The following PBX1 variants were observed in gnomAD, a reference collection of about 807,000 sequenced individuals.
PBX1 encodes the protein pre-B-cell leukemia transcription factor 1.
In PBX1, 6 loss-of-function variants were observed where a neutral mutation model predicts 53.4. The observed-to-expected ratio is 0.11, with a 90% confidence interval of 0.06 to 0.22. PBX1 has a LOEUF of 0.22. Among genes scored for constraint, PBX1 ranks in the 10% least tolerant of loss-of-function variants. The pLI, the probability that PBX1 is intolerant of heterozygous loss-of-function variation, is 1.00. For missense variants in PBX1, 251 were observed against 551.4 expected (o/e 0.46, Z 5.46); for synonymous variants, 204 against 212.3 (o/e 0.96, Z 0.34).
chr1:164,571,751 G>A (rs983881578), intron 2 of PBX1, among the ~76,000 whole-genome samples: 3 of 150,880 alleles, frequency 2.0e-5, no homozygotes, highest in Admixed American at 6.6e-5. Flanking sequence ...TTGCTGGCTC[G>A]TGATAACTCT....
intron 2 of PBX1, among the ~76,000 whole-genome samples, chr1:164,767,925 C>T (rs1278244197): frequency 1.3e-5 from 2 of 151,890 alleles, no homozygotes; most frequent in Non-Finnish European, 2.9e-5. Context: ...ATGAAGGACT[C>T]ATGTTGTTGA....
chr1:164,820,431 C>T (rs942308045), intron 7 of PBX1, among the ~76,000 whole-genome samples: 1 of 152,110 alleles, frequency 6.6e-6, no homozygotes, highest in Non-Finnish European at 1.5e-5. Flanking sequence ...AAGCACAGGG[C>T]AAGGTGACCG....
In PBX1 at chr1:164,846,675, G is replaced by A. The variant is rs1047727511; in HGVS notation, c.1292G>A (p.Ter431=). ...AGTGTTCACTCTGATACCTCCAACT[G>A]ATCTCCCAGCAATCGCATCCCGGCT... is the stretch of plus-strand genomic sequence containing the variant. ...PGSVHSDTSN[*] The change falls in exon 9 of 9, where the codon TGA becomes TAA. Residue 431 remains the stop codon, a stop_retained_variant. Transcript: ENST00000420696. 6.2e-6 allele frequency: 10 copies of A among 1,613,952 alleles called. No homozygotes were observed. Among genetic ancestry groups the A allele is most frequent in the Non-Finnish European group, 7.6e-6 (9 of 1,179,964 alleles).
chr1:164,568,751 A>T (rs1653616776), intron 2 of PBX1, among the ~76,000 whole-genome samples: 1 of 152,242 alleles, frequency 6.6e-6, no homozygotes, highest in Non-Finnish European at 1.5e-5. Context: ...ATCGTCGCTC[A>T]TGAGGAAAGT....
intron 2 of PBX1, among the ~76,000 whole-genome samples, chr1:164,592,083 G>A (rs538816790): frequency 2.6e-5 from 4 of 152,172 alleles, no homozygotes; most frequent in African/African-American, 4.8e-5. Flanking sequence ...AATGTGGCTG[G>A]GGGGAAAGGC....
rs199855181 is a variant in PBX1 at position 164,792,630 on chromosome 1, G to A, written c.402G>A (p.Ala134=). The A allele has an allele frequency of 3.0e-5, 49 of 1,613,476 alleles. No homozygotes were observed. The Admixed American group carries it at 8.2e-4, about 27-fold the overall frequency. Residue 134 remains alanine (A), a synonymous_variant, in exon 3 of 9, where the codon GCG becomes GCA. Coordinates refer to ENST00000420696, the MANE Select transcript of PBX1 (RefSeq NM_002585.4). The stretch of plus-strand genomic sequence containing the variant: ...CGGCGGCAGCGGCGGCAGCGGCGGC[G>A]GCTTCTGGAGGGGCAGGTTCAGACA... ...GGSAAAAAAA[A]ASGGAGSDNS...
At chr1:164,726,194 T>G (rs1316441857) in intron 2 of PBX1, among the ~76,000 whole-genome samples, 1 of 152,226 alleles carries the variant, frequency 6.6e-6, no homozygotes, top group East Asian at 1.9e-4. Context: ...TCTTTTTGCA[T>G]ACAAACGTTT....
At chr1:164,840,233 ACCT>A (rs1421919632) in intron 8 of PBX1, among the ~76,000 whole-genome samples, 4 of 152,224 alleles carry the variant, frequency 2.6e-5, no homozygotes, top group African/African-American at 7.2e-5. Flanking sequence ...ATTCTGAGTT[ACCT>A]ATGGTACCAA....
Position 164,876,007 on chromosome 1 carries a change from C to CATATATATATATATACATATATAT in PBX1, n.258-23180_258-23179insTATATATATATATACATATATATA, listed in dbSNP as rs1318941950. 5.3e-5 allele frequency among the ~76,000 whole-genome samples: 6 copies of CATATATATATATATACATATATAT among 113,688 alleles called. 1 individual carries two copies. Among genetic ancestry groups the CATATATATATATATACATATATAT allele is most frequent in the Non-Finnish European group, 9.3e-5 (5 of 53,998 alleles). 74.6% of individuals were successfully genotyped at this position (113,688 alleles called of 152,430 possible). On this transcript the variant is annotated intron_variant and non_coding_transcript_variant, in intron 2 of 2. Coordinates refer to the PBX1 transcript ENST00000558796. The stretch of plus-strand genomic sequence containing the variant: ...GTATGTGTATATATATATATATATA[C>CATATATATATATATACATATATAT]ACACATACACCAAATGGTTTTTTAT...
intron 2 of PBX1, among the ~76,000 whole-genome samples, chr1:164,874,563 T>C (rs1672460364): frequency 6.6e-6 from 1 of 152,148 alleles, no homozygotes; most frequent in South Asian, 2.1e-4. Context: ...GGTGCGATCT[T>C]GACTCACTGC....
At chr1:164,753,843 A>G (rs1433590459) in intron 2 of PBX1, among the ~76,000 whole-genome samples, 1 of 152,152 alleles carries the variant, frequency 6.6e-6, no homozygotes, top group Admixed American at 6.5e-5. Context: ...AGGAATGTGG[A>G]TAAAGGCTCT....
At chr1:164,660,911 A>T (rs766431633) in intron 2 of PBX1, among the ~76,000 whole-genome samples, 2 of 152,160 alleles carry the variant, frequency 1.3e-5, no homozygotes, top group African/African-American at 2.4e-5. Context: ...CTCAGCACTA[A>T]GTTACCTACC....
intron 2 of PBX1, chr1:164,769,989 A>C (rs1168810941): frequency 6.6e-6 from 1 of 152,208 alleles, no homozygotes; most frequent in South Asian, 2.1e-4. Context: ...GAGCATGGAC[A>C]TTGAAGAACT....
intron 8 of PBX1, among the ~76,000 whole-genome samples, chr1:164,837,200 A>ACAATCTCTGTGTGTACC (rs1344731762): frequency 6.6e-6 from 1 of 152,192 alleles, no homozygotes; most frequent in East Asian, 1.9e-4. Context: ...AGATGTGTAT[A>ACAATCTCTGTGTGTACC]CAATCTCTGT....
rs1437892122 is a variant in PBX1 at position 164,559,354 on chromosome 1, G to A, written c.-469G>A. On this transcript the variant is annotated 5_prime_UTR_variant, in exon 1 of 9. Transcript: ENST00000420696. ...GGGGGTGGGGGGCAGCGGGGGGTGG[G>A]GGGGGAAAGTTTGCATTGCAATCCC... 5.0e-6 allele frequency: 1 copy of A among 198,890 alleles called. No homozygotes were observed. The highest frequency in any genetic ancestry group is 6.1e-5 in the Admixed American group (1 of 16,494). 12.3% of individuals were successfully genotyped at this position (198,890 alleles called of 1,614,324 possible). A position where few individuals can be genotyped will look rare whatever the true frequency, so the allele number is the denominator to read the frequency against.
At chr1:164,832,468 G>C (rs1488999665) in intron 8 of PBX1, among the ~76,000 whole-genome samples, 1 of 152,170 alleles carries the variant, frequency 6.6e-6, no homozygotes, top group Non-Finnish European at 1.5e-5. Context: ...TCATACATGA[G>C]AGCAGGATTT....
At chr1:164,792,824 G>A (rs1668587742) in intron 3 of PBX1, 86 bp downstream of exon 3, 3 of 1,022,686 alleles carry the variant, frequency 2.9e-6, no homozygotes, top group East Asian at 2.6e-5. Context: ...AGAGAGGAGC[G>A]GCTCACCTTT....
chr1:164,566,507 A>G (rs573683328), intron 2 of PBX1, among the ~76,000 whole-genome samples: 15 of 152,304 alleles, frequency 9.8e-5, no homozygotes, highest in African/African-American at 3.4e-4. Context: ...ATCATTTAAT[A>G]TAACACTTTC....
chr1:164,673,587 C>T (rs1661239999), intron 2 of PBX1, among the ~76,000 whole-genome samples: 1 of 151,578 alleles, frequency 6.6e-6, no homozygotes, highest in East Asian at 1.9e-4. Context: ...TCTCCTGCCT[C>T]AGCCTCCTGA....
Sources: gnomAD v4.1 joint callset for allele counts (sites outside exome capture counted in the v4.1 genomes callset) on GRCh38, gnomAD v4.1.1 for gene constraint, MANE v1.5 for transcripts, NCBI Gene and HGNC (gene_info 2026-07-23, HGNC 2026-07-21) for gene names.